The following CCDC178 variants were observed in gnomAD, a reference collection of about 807,000 sequenced individuals.
CCDC178 encodes coiled-coil domain-containing protein 178.
A neutral mutation model predicts 117.4 loss-of-function variants in CCDC178; 126 were observed. The ratio of observed to expected loss-of-function variants is 1.07; its 90% CI spans 0.93 to 1.24. The LOEUF (loss-of-function observed/expected upper bound fraction) is 1.24. Among genes scored for constraint, CCDC178 ranks in the 50% most tolerant of loss-of-function variants. The pLI is 0.00. For missense variants in CCDC178, 1,030 were observed against 986.9 expected, an observed-to-expected ratio of 1.04 and a Z score of -0.59; for synonymous variants, 283 against 313.4, an observed-to-expected ratio of 0.90 and a Z score of 1.02.
chr18:33,149,693 A>C (rs999656536), intron 20 of CCDC178, among the ~76,000 whole-genome samples: 4 of 152,194 alleles, frequency 2.6e-5, no homozygotes, highest in African/African-American at 9.6e-5. Context: ...TCCATTATAC[A>C]ATCTCCCCTT....
intron 20 of CCDC178, among the ~76,000 whole-genome samples, chr18:33,094,706 G>T (rs2057517362): frequency 6.6e-6 from 1 of 151,816 alleles, no homozygotes; most frequent in Admixed American, 6.6e-5. Flanking sequence ...ATTTCTAAAT[G>T]CATACATGTT....
chr18:33,220,678 C>T (rs1038095445), intron 18 of CCDC178, among the ~76,000 whole-genome samples: 2 of 151,928 alleles, frequency 1.3e-5, no homozygotes, highest in Non-Finnish European at 2.9e-5. Flanking sequence ...GTGTGTTTGC[C>T]CTTTGTCAGC....
chr18:33,223,337 G>T, intron 17 of CCDC178, 118 bp from the exon 18 acceptor site: 1 of 1,136,494 alleles, frequency 8.8e-7, no homozygotes, highest in Non-Finnish European at 1.2e-6. Context: ...GGCAAATAAA[G>T]GGAAAGAACC....
At chr18:33,236,078 A>G (rs1273612508) in intron 15 of CCDC178, among the ~76,000 whole-genome samples, 1 of 152,200 alleles carries the variant, frequency 6.6e-6, no homozygotes, top group East Asian at 1.9e-4. Flanking sequence ...AGATGCATTA[A>G]CTTGAGAGAA....
intron 21 of CCDC178, among the ~76,000 whole-genome samples, chr18:33,037,179 C>T (rs1253102095): frequency 6.6e-6 from 1 of 151,930 alleles, no homozygotes; most frequent in Admixed American, 6.6e-5. Flanking sequence ...AATCAAAATA[C>T]TTTCTTGAAA....
chr18:33,122,379 TAG>T (rs1342974632), intron 20 of CCDC178, among the ~76,000 whole-genome samples: 1 of 152,148 alleles, frequency 6.6e-6, no homozygotes, highest in Non-Finnish European at 1.5e-5. Flanking sequence ...CCTGCACTTA[TAG>T]AGAGACAGAA....
intron 5 of CCDC178, among the ~76,000 whole-genome samples, chr18:33,376,063 G>A (rs986252928): frequency 2.0e-5 from 3 of 152,144 alleles, no homozygotes; most frequent in Non-Finnish European, 2.9e-5. Context: ...TATGGACTTG[G>A]GTTTTTATAC....
At chr18:33,357,022 G>A (rs2063066991) in intron 6 of CCDC178, among the ~76,000 whole-genome samples, 1 of 150,846 alleles carries the variant, frequency 6.6e-6, no homozygotes, top group Non-Finnish European at 1.5e-5. Context: ...TTTTAATGGT[G>A]AATTCAACAA....
Position 32,974,654 on chromosome 18 carries a change from T to C in CCDC178, c.2416A>G (p.Thr806Ala). The C allele has an allele frequency of 1.2e-6, 2 of 1,613,406 alleles. No homozygotes were observed. The highest frequency in any genetic ancestry group is 8.5e-7 in the Non-Finnish European group (1 of 1,179,804). The change falls in exon 22 of 23, where the codon ACA (threonine) becomes GCA (alanine). Residue 806 changes from threonine (T) to alanine (A), a missense_variant. By Grantham distance (58) the Thr-to-Ala change is moderately conservative. Coordinates refer to ENST00000383096, the MANE Select transcript of CCDC178 (RefSeq NM_001105528.4). ...AGTTTGAAGTGCTCCTGCCACAGTGTGTGCATCCTTCTCTGCAGCTGACAG... is the reference window on the plus strand; with the variant it reads ...AGTTTGAAGTGCTCCTGCCACAGTGCGTGCATCCTTCTCTGCAGCTGACAG... The part of the protein sequence containing the change: ...QLCQLQRRMH[T>A]LWQEHFKLVV...
intron 3 of CCDC178, among the ~76,000 whole-genome samples, chr18:33,402,735 T>C (rs1482300522): frequency 6.6e-6 from 1 of 152,230 alleles, no homozygotes; most frequent in Non-Finnish European, 1.5e-5. Context: ...ACTTTGTTGT[T>C]GTTGTTACTG....
At chr18:33,000,419 G>A (rs1479450595) in intron 21 of CCDC178, among the ~76,000 whole-genome samples, 7 of 152,104 alleles carry the variant, frequency 4.6e-5, no homozygotes, top group Non-Finnish European at 8.8e-5. Flanking sequence ...GTAGAAAGTG[G>A]ATTTAAAGGG....
chr18:33,107,907 G>A (rs775436837), intron 20 of CCDC178, among the ~76,000 whole-genome samples: 1 of 151,798 alleles, frequency 6.6e-6, no homozygotes, highest in Non-Finnish European at 1.5e-5. Context: ...CTCAATAAGA[G>A]AAGAAACGTT....
chr18:33,420,115 A>T (rs756266128), intron 2 of CCDC178, among the ~76,000 whole-genome samples: 1 of 152,212 alleles, frequency 6.6e-6, no homozygotes, highest in Non-Finnish European at 1.5e-5. Flanking sequence ...ACACAGCCAT[A>T]AAAAGAATGA....
At chr18:33,324,641 TA>T (rs746836205) in intron 10 of CCDC178, among the ~76,000 whole-genome samples, 10,963 of 151,828 alleles carry the variant, frequency 0.072, 480 homozygotes, top group Non-Finnish European at 0.092. Flanking sequence ...GGTTATTGTG[TA>T]CATTTTACTA....
chr18:33,413,615 G>A (rs1395513726), intron 2 of CCDC178, among the ~76,000 whole-genome samples: 1 of 151,952 alleles, frequency 6.6e-6, no homozygotes, highest in Non-Finnish European at 1.5e-5. Flanking sequence ...GAATTAACAA[G>A]GTAATAAGGA....
At chr18:33,071,336 A>G (rs1017989231) in intron 21 of CCDC178, among the ~76,000 whole-genome samples, 6 of 152,146 alleles carry the variant, frequency 3.9e-5, no homozygotes, top group Admixed American at 2.6e-4. Context: ...AAGTCTTTGA[A>G]ATATTATTAT....
intron 21 of CCDC178, among the ~76,000 whole-genome samples, chr18:33,057,492 T>C (rs915936580): frequency 7.2e-5 from 11 of 152,070 alleles, no homozygotes; most frequent in African/African-American, 2.7e-4. Context: ...TAGAGAGACG[T>C]AACTGAATTT....
chr18:33,179,918 T>A (rs987976063), intron 20 of CCDC178, among the ~76,000 whole-genome samples: 4 of 152,122 alleles, frequency 2.6e-5, no homozygotes, highest in African/African-American at 9.6e-5. Flanking sequence ...TTTGGCTTGT[T>A]TTTTTCTGGC....
In CCDC178 at chr18:33,365,849, CTTTTA is replaced by C. The variant is rs1377536507; in HGVS notation, c.348+4196_348+4200del. ...TAGAGGAAAAAAATAAAACAAGAGT[CTTTTA>C]TTTGTATGAGAAGATATTCAGATGA... On this transcript the variant is annotated intron_variant, in intron 6 of 22. Coordinates refer to ENST00000383096, the MANE Select transcript of CCDC178 (RefSeq NM_001105528.4). Among the ~76,000 whole-genome samples the C allele has an allele frequency of 4.6e-5, 7 of 152,076 alleles. No individual in the cohort carries two copies. The East Asian group carries it at 1.4e-3, about 30-fold the overall frequency.
Sources: gnomAD v4.1 joint callset for allele counts (sites outside exome capture counted in the v4.1 genomes callset) on GRCh38, gnomAD v4.1.1 for gene constraint, MANE v1.5 for transcripts, NCBI Gene and HGNC (gene_info 2026-07-23, HGNC 2026-07-21) for gene names.